Variants in ZZZ3 observed in about 807,000 individuals in gnomAD.
The protein encoded by ZZZ3 is zinc finger ZZ-type containing 3.
ZZZ3 carries 22 observed loss-of-function variants against 95.2 expected under a neutral mutation model. The ratio of observed to expected loss-of-function variants is 0.23; its 90% CI spans 0.17 to 0.33. ZZZ3 has a LOEUF of 0.33. Among genes scored for constraint, ZZZ3 ranks in the 10% least tolerant of loss-of-function variants. The pLI is 1.00. For missense variants in ZZZ3, 885 were observed against 1,066.5 expected (o/e 0.83, Z 2.37); for synonymous variants, 335 against 358.9 (o/e 0.93, Z 0.75).
At position 77,610,779 on chromosome 1, in the gene ZZZ3, A is replaced by G. The variant is rs574554118; in HGVS notation, c.1505+21071T>C. On this transcript the variant is annotated intron_variant, in intron 5 of 14. Coordinates refer to ENST00000370801, the MANE Select transcript of ZZZ3 (RefSeq NM_015534.6). ...CATCCCTTCATGATTAAAAAAAAAA[A>G]CTCTCAACAAATTAAATACAGAAGG... Among the ~76,000 whole-genome samples, 6 of 151,756 alleles carry G rather than the reference A, an allele frequency of 4.0e-5. No individual in the cohort carries two copies. In the South Asian group the frequency reaches 6.2e-4, roughly 16 times the overall value.
In ZZZ3 at chr1:77,655,567, A is replaced by C. The variant is rs188009968; in HGVS notation, c.-402-13912T>G. Among the ~76,000 whole-genome samples, 18 of 152,280 alleles carry C rather than the reference A, an allele frequency of 1.2e-4. No individual in the cohort carries two copies. The East Asian group carries it at 3.1e-3, about 26-fold the overall frequency. On this transcript the variant is annotated intron_variant, in intron 1 of 14. Coordinates refer to ENST00000370801, the MANE Select transcript of ZZZ3 (RefSeq NM_015534.6). ...AATAAATGGCTGTTGTTTATTTGCT[A>C]CCCAGTCTATGGTTTTCTGTTACAG...
intron 5 of ZZZ3, among the ~76,000 whole-genome samples, chr1:77,589,779 C>A (rs758006441): frequency 2.6e-5 from 4 of 151,928 alleles, no homozygotes; most frequent in Non-Finnish European, 5.9e-5. Flanking sequence ...ATTTTACTGT[C>A]CAATTTCTAG....
chr1:77,565,935 G>T lies in ZZZ3; in HGVS notation c.2567+146C>A, dbSNP rs1660778300. The T allele has an allele frequency of 2.7e-6, 3 of 1,112,678 alleles. No individual in the cohort carries two copies. The Admixed American group carries it at 8.6e-5, about 32-fold the overall frequency. The allele number at this position is 1,112,678 out of a possible 1,614,324, so 68.9% of individuals were successfully genotyped here. ...TTACTTGACATGTGGTATGATTACA[G>T]AAAAAAATTAATTGCCTAGAACAAC... On this transcript the variant is annotated intron_variant, in intron 14 of 14. Coordinates refer to ENST00000370801, the MANE Select transcript of ZZZ3 (RefSeq NM_015534.6).
chr1:77,681,301 T>C (rs1173349664), intron 1 of ZZZ3, among the ~76,000 whole-genome samples: 4 of 152,130 alleles, frequency 2.6e-5, no homozygotes, highest in African/African-American at 9.7e-5. Context: ...CTCTGTATTA[T>C]GTATAGGAAA....
At chr1:77,577,294 A>G (rs1662057191) in intron 11 of ZZZ3, among the ~76,000 whole-genome samples, 1 of 152,250 alleles carries the variant, frequency 6.6e-6, no homozygotes, top group East Asian at 1.9e-4. Flanking sequence ...TGTTATCATT[A>G]TCCAGTGTTA....
intron 5 of ZZZ3, among the ~76,000 whole-genome samples, chr1:77,599,718 C>G (rs1359787229): frequency 6.6e-6 from 1 of 151,888 alleles, no homozygotes; most frequent in Non-Finnish European, 1.5e-5. Flanking sequence ...AGTACAAATA[C>G]TAATTCAGTA....
chr1:77,606,560 T>C (rs1198198671), intron 5 of ZZZ3, among the ~76,000 whole-genome samples: 2 of 152,150 alleles, frequency 1.3e-5, no homozygotes, highest in Non-Finnish European at 2.9e-5. Flanking sequence ...CCTTCAAGTC[T>C]AACCAAGCCC....
intron 5 of ZZZ3, among the ~76,000 whole-genome samples, chr1:77,604,989 A>G (rs1665090745): frequency 6.6e-6 from 1 of 152,198 alleles, no homozygotes; most frequent in Admixed American, 6.5e-5. Flanking sequence ...ATAGCCGAGT[A>G]TAAGGCTCCA....
chr1:77,565,745 T>C lies in ZZZ3; in HGVS notation c.2607A>G (p.Leu869=). Residue 869 remains leucine, a synonymous_variant, in exon 15 of 15, where the codon TTA becomes TTG. Coordinates refer to ENST00000370801, the MANE Select transcript of ZZZ3 (RefSeq NM_015534.6). ...ETDIHKEDHQ[L]EPIYRSETFL... ...ATGTCTCTGACCTATAAATAGGTTC[T>C]AATTGGTGATCTTCCTTGTGAATAT... 6.2e-7 allele frequency: 1 copy of C among 1,613,640 alleles called. No individual in the cohort carries two copies. Among genetic ancestry groups the C allele is most frequent in the East Asian group, 2.2e-5 (1 of 44,868 alleles).
At chr1:77,680,548 G>C (rs770379388) in intron 1 of ZZZ3, among the ~76,000 whole-genome samples, 20 of 152,132 alleles carry the variant, frequency 1.3e-4, no homozygotes, top group Non-Finnish European at 2.5e-4. Context: ...ATTCTCTTAT[G>C]TGACTGGTCT....
rs113816981 is a variant in ZZZ3, at chr1:77,599,738, A to C, written c.1506-15083T>G. Among the ~76,000 whole-genome samples, 707 of 152,226 alleles carry C rather than the reference A, an allele frequency of 4.6e-3. 5 individuals carry two copies. Among genetic ancestry groups the C allele is most frequent in the Non-Finnish European group, 8.0e-3 (544 of 67,972 alleles). ...AAATACTAATTCAGTAACAGAATAC[A>C]AAGGCAGAGAAAGAAGAGTACTAGA... On this transcript the variant is annotated intron_variant, in intron 5 of 14. Transcript: ENST00000370801.
intron 8 of ZZZ3, among the ~76,000 whole-genome samples, chr1:77,581,441 A>G (rs1662512714): frequency 6.6e-6 from 1 of 152,212 alleles, no homozygotes; most frequent in Admixed American, 6.5e-5. Context: ...AGGAACTACT[A>G]TTTTTAGAGT....
At chr1:77,637,196 G>T (rs529080330) in intron 4 of ZZZ3, among the ~76,000 whole-genome samples, 1 of 152,048 alleles carries the variant, frequency 6.6e-6, no homozygotes, top group East Asian at 1.9e-4. Flanking sequence ...AACTAAATTA[G>T]AACTATTTAT....
chr1:77,584,509 A>C lies in ZZZ3; in HGVS notation c.1644+8T>G, dbSNP rs1330868593. 6.2e-7 allele frequency: 1 copy of C among 1,603,522 alleles called. No homozygotes were observed. The highest frequency in any genetic ancestry group is 1.3e-5 in the African/African-American group (1 of 74,180). On this transcript the variant is annotated splice_region_variant and intron_variant, in intron 6 of 14. Transcript: ENST00000370801. ...CTTAGTAAATCTTAAAAACAGTTCAATGTATACCTTCTTCTGGAGTTTTTC... is the reference window on the plus strand; with the variant it reads ...CTTAGTAAATCTTAAAAACAGTTCACTGTATACCTTCTTCTGGAGTTTTTC...
intron 1 of ZZZ3, among the ~76,000 whole-genome samples, chr1:77,681,086 T>C (rs1359071722): frequency 6.6e-6 from 1 of 152,154 alleles, no homozygotes; most frequent in African/African-American, 2.4e-5. Context: ...TTAAAAAATG[T>C]TTACTGATTG....
At chr1:77,579,721 T>C (rs1662313771) in intron 9 of ZZZ3, 93 bp from the exon 10 acceptor site, 1 of 760,192 alleles carries the variant, frequency 1.3e-6, no homozygotes, top group Admixed American at 3.1e-5. Context: ...CATTTCAAAA[T>C]GTAATACTCT....
chr1:77,670,922 T>C lies in ZZZ3; in HGVS notation c.-403+11663A>G, dbSNP rs1046321420. Among the ~76,000 whole-genome samples, 7 of 150,752 alleles carry C rather than the reference T, an allele frequency of 4.6e-5. No homozygotes were observed. The South Asian group carries it at 1.1e-3, about 23-fold the overall frequency. ...CAGGTGCATGGTACATACACACCTA[T>C]AATCCCAGCTACCCAAGAAGCAGGA... On this transcript the variant is annotated intron_variant, in intron 1 of 14. Transcript: ENST00000370801.
intron 1 of ZZZ3, among the ~76,000 whole-genome samples, chr1:77,660,656 G>C (rs1298417126): frequency 6.6e-6 from 1 of 152,166 alleles, no homozygotes; most frequent in Non-Finnish European, 1.5e-5. Flanking sequence ...ATTGTGAACA[G>C]TGTGGCTATG....
intron 12 of ZZZ3, among the ~76,000 whole-genome samples, chr1:77,574,192 CTATA>C (rs1168110609): frequency 6.8e-6 from 1 of 146,694 alleles, no homozygotes; most frequent in East Asian, 2.0e-4. Flanking sequence ...ATAGATATAT[CTATA>C]TATATGGCAA....
Sources: gnomAD v4.1 joint callset for allele counts (sites outside exome capture counted in the v4.1 genomes callset) on GRCh38, gnomAD v4.1.1 for gene constraint, MANE v1.5 for transcripts, NCBI Gene and HGNC (gene_info 2026-07-23, HGNC 2026-07-21) for gene names.